Variants in NCAM1 observed in about 807,000 individuals in gnomAD.
NCAM1 encodes antigen recognized by monoclonal antibody 5.1H11.
A neutral mutation model predicts 109.8 loss-of-function variants in NCAM1; 14 were observed. The observed-to-expected ratio is 0.13, with a 90% confidence interval of 0.08 to 0.20. The LOEUF is 0.20. Among genes scored for constraint, NCAM1 ranks in the 10% least tolerant of loss-of-function variants. The pLI, the probability that NCAM1 is intolerant of heterozygous loss-of-function variation, is 1.00. For synonymous variants in NCAM1, 418 were observed against 442.9 expected (o/e 0.94, Z 0.70); for missense variants, 774 against 1,109.9 (o/e 0.70, Z 4.30).
intron 1 of NCAM1, among the ~76,000 whole-genome samples, chr11:113,110,858 T>C (rs1291513214): frequency 6.6e-6 from 1 of 152,164 alleles, no homozygotes; most frequent in East Asian, 1.9e-4. Flanking sequence ...CCTTTCCTAT[T>C]GGGATACCTC....
At chr11:112,964,251 G>A (rs782803235) in intron 1 of NCAM1, among the ~76,000 whole-genome samples, 1 of 147,882 alleles carries the variant, frequency 6.8e-6, no homozygotes, top group African/African-American at 2.5e-5. Flanking sequence ...TATAAGGCAA[G>A]CTAACCTTAA....
chr11:112,993,780 G>A (rs754146139), intron 1 of NCAM1, among the ~76,000 whole-genome samples: 3 of 152,162 alleles, frequency 2.0e-5, no homozygotes, highest in Non-Finnish European at 4.4e-5. Flanking sequence ...AGTGGTATAC[G>A]ATTATTGTAT....
intron 14 of NCAM1, among the ~76,000 whole-genome samples, chr11:113,236,605 T>C (rs1945175279): frequency 6.6e-6 from 1 of 152,208 alleles, no homozygotes; most frequent in South Asian, 2.1e-4. Flanking sequence ...GCAAAGATGG[T>C]GTTTGCTGAG....
At chr11:112,986,029 A>G (rs1398183504) in intron 1 of NCAM1, among the ~76,000 whole-genome samples, 1 of 151,928 alleles carries the variant, frequency 6.6e-6, no homozygotes. Context: ...AAGGTTAAGT[A>G]TGGTGTTAGT....
intron 1 of NCAM1, among the ~76,000 whole-genome samples, chr11:112,984,377 T>C (rs117146336): frequency 0.042 from 6,316 of 152,030 alleles, 445 homozygotes; most frequent in Admixed American, 0.14. Context: ...CTTCATGAGG[T>C]GGTGATTTCA....
intron 1 of NCAM1, among the ~76,000 whole-genome samples, chr11:112,995,041 A>G (rs951041302): frequency 1.9e-4 from 29 of 152,314 alleles, no homozygotes; most frequent in African/African-American, 7.0e-4. Context: ...AACTGGAGGT[A>G]GGGACCTTGT....
intron 1 of NCAM1, among the ~76,000 whole-genome samples, chr11:113,116,916 G>A (rs1555095003): frequency 6.6e-6 from 1 of 151,830 alleles, no homozygotes; most frequent in African/African-American, 2.4e-5. Context: ...ATTAAAATAT[G>A]CCTCTTTATG....
At chr11:113,130,180 C>T (rs181540944) in intron 1 of NCAM1, among the ~76,000 whole-genome samples, 3 of 152,282 alleles carry the variant, frequency 2.0e-5, no homozygotes, top group African/African-American at 2.4e-5. Context: ...TTCACATTGG[C>T]GAGCAGGCTC....
At chr11:113,205,914 AT>A in intron 4 of NCAM1, 128 bp from the exon 5 acceptor site, 1 of 1,238,210 alleles carries the variant, frequency 8.1e-7, no homozygotes. Flanking sequence ...CCAGGGACGC[AT>A]TTTCTTATTT....
At chr11:113,231,913 C>A in intron 10 of NCAM1, 118 bp downstream of exon 10, 11 of 1,353,734 alleles carry the variant, frequency 8.1e-6, no homozygotes, top group Non-Finnish European at 1.1e-5. Context: ...ACGTTCCCTG[C>A]AGCTGACCCT....
intron 1 of NCAM1, among the ~76,000 whole-genome samples, chr11:113,192,468 A>G (rs1555110051): frequency 6.6e-6 from 1 of 152,220 alleles, no homozygotes; most frequent in Non-Finnish European, 1.5e-5. Flanking sequence ...TCTGTTAAAA[A>G]GTGCCCCTGG....
chr11:113,241,412 C>A (rs1285011481), intron 14 of NCAM1, among the ~76,000 whole-genome samples: 3 of 152,202 alleles, frequency 2.0e-5, no homozygotes, highest in African/African-American at 7.2e-5. Flanking sequence ...TCGTTTAACC[C>A]TTCACAAGTG....
chr11:113,270,910 C>A (rs1469362851), intron 18 of NCAM1, among the ~76,000 whole-genome samples: 3 of 152,190 alleles, frequency 2.0e-5, no homozygotes, highest in African/African-American at 7.2e-5. Context: ...GTCCCTCCAA[C>A]AGCATCTTGG....
intron 1 of NCAM1, among the ~76,000 whole-genome samples, chr11:113,127,211 G>T (rs973861706): frequency 1.3e-5 from 2 of 152,152 alleles, no homozygotes; most frequent in African/African-American, 4.8e-5. Flanking sequence ...GAATCTCCAG[G>T]AGTGGGGTTT....
At chr11:113,014,278 A>C (rs1219328705) in intron 1 of NCAM1, among the ~76,000 whole-genome samples, 1 of 152,178 alleles carries the variant, frequency 6.6e-6, no homozygotes, top group Non-Finnish European at 1.5e-5. Context: ...TTGGAAAAAG[A>C]GATATCCTAG....
At chr11:113,176,317 A>C (rs1202390957) in intron 1 of NCAM1, among the ~76,000 whole-genome samples, 1 of 152,178 alleles carries the variant, frequency 6.6e-6, no homozygotes, top group Non-Finnish European at 1.5e-5. Context: ...GTCGCCTTTT[A>C]AAAGCAAAGG....
intron 17 of NCAM1, chr11:113,262,805 AACC>A: frequency 1.2e-6 from 2 of 1,608,062 alleles, no homozygotes; most frequent in Non-Finnish European, 1.7e-6. Context: ...GTTTTTAAAC[AACC>A]ACATTATCTC....
intron 1 of NCAM1, among the ~76,000 whole-genome samples, chr11:113,050,570 T>C (rs1555081656): frequency 6.6e-6 from 1 of 152,200 alleles, no homozygotes; most frequent in Non-Finnish European, 1.5e-5. Context: ...CATGCTGTTT[T>C]GGTTACTATA....
At chr11:112,998,381 G>T (rs10891488) in intron 1 of NCAM1, among the ~76,000 whole-genome samples, 39,958 of 151,916 alleles carry the variant, frequency 0.26, 5,745 homozygotes, top group East Asian at 0.53. Flanking sequence ...CAGAGAGATG[G>T]GGATTCCTGC....
Sources: allele counts gnomAD v4.1 joint callset (sites outside exome capture counted in the v4.1 genomes callset), GRCh38; gene constraint gnomAD v4.1.1; transcripts MANE v1.5; gene names NCBI Gene and HGNC (gene_info 2026-07-23, HGNC 2026-07-21).